The following LRRC74A variants were observed in gnomAD, a reference collection of about 807,000 sequenced individuals.
The protein encoded by LRRC74A is leucine-rich repeat-containing protein 74A.
A neutral mutation model predicts 57.9 loss-of-function variants in LRRC74A; 44 were observed. The observed-to-expected ratio is 0.76, with a 90% CI of 0.60 to 0.98. LRRC74A has a LOEUF of 0.98. Ranked by LOEUF, LRRC74A falls within the 50% of genes least tolerant of loss-of-function variation. The pLI is 0.00. For missense variants in LRRC74A, 572 were observed against 574.0 expected (o/e 1.00, Z 0.04); for synonymous variants, 211 against 219.4 (o/e 0.96, Z 0.34).
intron 9 of LRRC74A, among the ~76,000 whole-genome samples, chr14:76,856,967 TTGGA>T (rs150995860): frequency 0.16 from 19,392 of 123,742 alleles, 1,955 homozygotes; most frequent in African/African-American, 0.29. Context: ...AAGTTGGTGG[TTGGA>T]TGGATGGATG....
At chr14:76,840,043 T>C (rs1341536185) in intron 5 of LRRC74A, among the ~76,000 whole-genome samples, 1 of 152,228 alleles carries the variant, frequency 6.6e-6, no homozygotes, top group African/African-American at 2.4e-5. Flanking sequence ...TATGGTACTT[T>C]CTTGTAGCAA....
chr14:76,859,534 C>CAA lies in LRRC74A; in HGVS notation c.1054-1143_1054-1142dup, dbSNP rs562270049. On this transcript the variant is annotated intron_variant, in intron 10 of 13. Coordinates refer to ENST00000689127, the MANE Select transcript of LRRC74A (RefSeq NM_001385106.1). ...GGGCAACAAGAATGAAACTCCATCTCAAAAAAAAAAAAAAAAAGAAACATA... is the reference window on the plus strand; with the variant it reads ...GGGCAACAAGAATGAAACTCCATCTCAAAAAAAAAAAAAAAAAAAGAAACATA... Among the ~76,000 whole-genome samples, 351 of 91,466 alleles carry CAA rather than the reference C, an allele frequency of 3.8e-3. 2 individuals carry two copies. Among genetic ancestry groups the CAA allele is most frequent in the African/African-American group, 0.011 (273 of 24,548 alleles). The allele number at this position is 91,466 out of a possible 152,430, so 60.0% of individuals were successfully genotyped here.
intron 12 of LRRC74A, among the ~76,000 whole-genome samples, 158 bp from the exon 13 acceptor site, chr14:76,867,198 T>C (rs1474614110): frequency 3.4e-5 from 1 of 29,498 alleles, no homozygotes; most frequent in Non-Finnish European, 6.0e-5. Context: ...AGTGTGTGTG[T>C]TGGGGGGTGG....
intron 2 of LRRC74A, among the ~76,000 whole-genome samples, chr14:76,830,799 C>T (rs1895918891): frequency 6.6e-6 from 1 of 152,208 alleles, no homozygotes; most frequent in African/African-American, 2.4e-5. Flanking sequence ...ATGAAGATTC[C>T]ATCAACCATC....
rs751626615 is a variant in LRRC74A at position 76,828,275 on chromosome 14, G to A, written c.38-16G>A. On this transcript the variant is annotated splice_polypyrimidine_tract_variant and intron_variant, in intron 1 of 13. Transcript: ENST00000689127. ...GTTTTATTCCTGGCATCAAGGAGAT[G>A]AGTTTTTTCTTCCAGATGAGATTGA... 2.5e-5 allele frequency: 39 copies of A among 1,576,536 alleles called. 1 individual carries two copies. The South Asian group carries it at 4.1e-4, about 17-fold the overall frequency.
chr14:76,855,983 G>A (rs1224601735), intron 9 of LRRC74A, among the ~76,000 whole-genome samples: 1 of 152,186 alleles, frequency 6.6e-6, no homozygotes, highest in Non-Finnish European at 1.5e-5. Context: ...AGAGCCACCA[G>A]GCTCCACAGT....
chr14:76,826,752 C>T lies in LRRC74A; in HGVS notation c.37+18C>T. On this transcript the variant is annotated intron_variant, in intron 1 of 13. Coordinates refer to ENST00000689127, the MANE Select transcript of LRRC74A (RefSeq NM_001385106.1). ...GACAGAAGGTGAAAGGGCATCCCAT[C>T]TCTCACCACTCAGGCCCGTCCCTGC... 8 of 1,472,582 alleles carry T rather than the reference C, an allele frequency of 5.4e-6. No homozygotes were observed. The highest frequency in any genetic ancestry group is 7.3e-6 in the Non-Finnish European group (8 of 1,101,134). The allele number at this position is 1,472,582 out of a possible 1,614,324, so 91.2% of individuals were successfully genotyped here. A position where few individuals can be genotyped will look rare whatever the true frequency, so the allele number is the denominator to read the frequency against.
chr14:76,848,229 T>C (rs144789426), intron 7 of LRRC74A, among the ~76,000 whole-genome samples: 1,624 of 152,032 alleles, frequency 0.011, 29 homozygotes, highest in African/African-American at 0.037. Flanking sequence ...TGTATACATA[T>C]GTAACAAACC....
chr14:76,854,866 C>G (rs879593917), intron 9 of LRRC74A, among the ~76,000 whole-genome samples: 5 of 152,144 alleles, frequency 3.3e-5, no homozygotes, highest in Admixed American at 3.3e-4. Flanking sequence ...TGCCAAGAGC[C>G]AGCTGTCGTT....
intron 5 of LRRC74A, among the ~76,000 whole-genome samples, chr14:76,839,257 C>T (rs548839100): frequency 6.6e-6 from 1 of 152,324 alleles, no homozygotes; most frequent in East Asian, 1.9e-4. Flanking sequence ...AACTTAACAA[C>T]TGATTTCCAA....
intron 11 of LRRC74A, among the ~76,000 whole-genome samples, chr14:76,863,319 G>A (rs1323886213): frequency 1.3e-5 from 2 of 152,076 alleles, no homozygotes; most frequent in Non-Finnish European, 2.9e-5. Flanking sequence ...AAGTGCAGAT[G>A]GGGAAAGTGC....
At chr14:76,868,726 G>A (rs150649763) in intron 13 of LRRC74A, among the ~76,000 whole-genome samples, 7 of 152,260 alleles carry the variant, frequency 4.6e-5, no homozygotes, top group Admixed American at 2.0e-4. Context: ...CCTGCCCCAC[G>A]AGCCTTCTCC....
At chr14:76,853,166 T>C (rs537369197) in intron 8 of LRRC74A, 50 bp from the exon 9 acceptor site, 3 of 1,525,606 alleles carry the variant, frequency 2.0e-6, no homozygotes, top group African/African-American at 2.8e-5. Context: ...TTTGGTTGGA[T>C]GAGTCACGCG....
intron 7 of LRRC74A, among the ~76,000 whole-genome samples, chr14:76,848,022 A>T (rs1236597557): frequency 6.6e-6 from 1 of 151,630 alleles, no homozygotes; most frequent in Non-Finnish European, 1.5e-5. Flanking sequence ...AAAAATACAA[A>T]CATTAGCCGG....
intron 11 of LRRC74A, among the ~76,000 whole-genome samples, chr14:76,861,840 G>A (rs1898336224): frequency 6.6e-6 from 1 of 152,188 alleles, no homozygotes; most frequent in South Asian, 2.1e-4. Context: ...ATGCTGCTCT[G>A]CCAATGCACG....
chr14:76,860,674 C>T lies in LRRC74A; in HGVS notation c.1054-19C>T. On this transcript the variant is annotated intron_variant, in intron 10 of 13. Coordinates refer to ENST00000689127, the MANE Select transcript of LRRC74A (RefSeq NM_001385106.1). ...GGCAGTGCCCTCATCATCATGGGTC[C>T]CCTCTCTCCCTGTCACAGAACGTGC... The T allele has an allele frequency of 6.3e-7, 1 of 1,587,958 alleles. No individual in the cohort carries two copies. The highest frequency in any genetic ancestry group is 8.6e-7 in the Non-Finnish European group (1 of 1,163,926).
chr14:76,827,528 C>T (rs1024410056), intron 1 of LRRC74A, among the ~76,000 whole-genome samples: 5 of 152,290 alleles, frequency 3.3e-5, no homozygotes, highest in Admixed American at 3.3e-4. Context: ...CTTCCAGAAG[C>T]CCATGGCTTT....
chr14:76,826,496 A>G lies in LRRC74A; in HGVS notation c.-202A>G, dbSNP rs200362790. ...CCCAGACAGAGTTGGGGTCAAATTCATGCACATCCAATTCCCATCAAAGCC... is the reference window on the plus strand; with the variant it reads ...CCCAGACAGAGTTGGGGTCAAATTCGTGCACATCCAATTCCCATCAAAGCC... On this transcript the variant is annotated 5_prime_UTR_variant, in exon 1 of 14. The change abolishes an upstream ATG in the 5' untranslated region. Transcript: ENST00000689127. 1.3e-6 allele frequency: 2 copies of G among 1,575,542 alleles called. No homozygotes were observed. The highest frequency in any genetic ancestry group is 4.6e-5 in the East Asian group (2 of 43,452).
chr14:76,827,593 T>C (rs546605433), intron 1 of LRRC74A, among the ~76,000 whole-genome samples: 90 of 152,310 alleles, frequency 5.9e-4, no homozygotes, highest in Middle Eastern at 6.8e-3. Context: ...AAACCACATC[T>C]AGCAAGTGCA....
Sources: allele counts gnomAD v4.1 joint callset (sites outside exome capture counted in the v4.1 genomes callset), GRCh38; gene constraint gnomAD v4.1.1; transcripts MANE v1.5; gene names NCBI Gene and HGNC (gene_info 2026-07-23, HGNC 2026-07-21).